PRKCA: variants seen among roughly 807,000 people sequenced by gnomAD.
PRKCA encodes the protein protein kinase C alpha type.
A neutral mutation model predicts 87.0 loss-of-function variants in PRKCA; 27 were observed. That is an observed-to-expected ratio of 0.31 (90% CI 0.23 to 0.43). The LOEUF (loss-of-function observed/expected upper bound fraction) is 0.43, where lower values mean the gene tolerates loss of function less well. PRKCA is among the 20% of genes least tolerant of loss of function. PRKCA has a pLI of 1.00. For missense variants in PRKCA, 518 were observed against 852.3 expected (o/e 0.61, Z 4.88); for synonymous variants, 329 against 311.1 (o/e 1.06, Z -0.61).
chr17:66,727,809 G>A (rs34337960), intron 8 of PRKCA, among the ~76,000 whole-genome samples: 23,685 of 151,974 alleles, frequency 0.16, 2,051 homozygotes, highest in South Asian at 0.26. Flanking sequence ...GGAGGTGCTG[G>A]CCAAAGGTCT....
chr17:66,345,853 C>T (rs987962205), intron 2 of PRKCA, among the ~76,000 whole-genome samples: 4 of 152,114 alleles, frequency 2.6e-5, no homozygotes, highest in Non-Finnish European at 5.9e-5. Flanking sequence ...ATAAAAAATG[C>T]AGTTAGGTGT....
intron 5 of PRKCA, among the ~76,000 whole-genome samples, chr17:66,664,436 A>G (rs1373838315): frequency 6.6e-6 from 1 of 152,154 alleles, no homozygotes; most frequent in African/African-American, 2.4e-5. Flanking sequence ...ATCAAGAACA[A>G]GAGAAATTCA....
Position 66,689,076 on chromosome 17 carries a change from CT to C in PRKCA, c.918+32del. The C allele has an allele frequency of 6.9e-7, 1 of 1,459,600 alleles. No homozygotes were observed. The highest frequency in any genetic ancestry group is 1.3e-5 in the South Asian group (1 of 78,950). The allele number at this position is 1,459,600 out of a possible 1,614,324, so 90.4% of individuals were successfully genotyped here. A position where few individuals can be genotyped will look rare whatever the true frequency, so the allele number is the denominator to read the frequency against. On this transcript the variant is annotated intron_variant, in intron 8 of 16. Coordinates refer to ENST00000413366, the MANE Select transcript of PRKCA (RefSeq NM_002737.3). The surrounding 1 kb of genome is among the most constrained non-coding windows in gnomAD (Gnocchi z 4.1). ...AGGATAACAAAATGCCCGGAAACAC[CT>C]TTCCTTTAGAAAGCCCAACTTCAGG...
intron 3 of PRKCA, among the ~76,000 whole-genome samples, chr17:66,586,350 T>TA (rs11302296): frequency 1.3e-5 from 2 of 152,010 alleles, no homozygotes; most frequent in Non-Finnish European, 2.9e-5. Flanking sequence ...GATTAACTAT[T>TA]AACTGAAAGA....
intron 2 of PRKCA, among the ~76,000 whole-genome samples, chr17:66,348,357 G>A (rs574754397): frequency 6.6e-5 from 10 of 152,216 alleles, no homozygotes; most frequent in East Asian, 1.9e-4. Flanking sequence ...TGCTAGTACC[G>A]CCTGGCACTG....
At chr17:66,564,036 C>G (rs1239289941) in intron 3 of PRKCA, among the ~76,000 whole-genome samples, 1 of 144,322 alleles carries the variant, frequency 6.9e-6, no homozygotes, top group African/African-American at 2.6e-5. Flanking sequence ...CTTTCTTCCT[C>G]TCTTCCTTCC....
At chr17:66,723,215 G>A (rs951419599) in intron 8 of PRKCA, among the ~76,000 whole-genome samples, 1 of 152,260 alleles carries the variant, frequency 6.6e-6, no homozygotes, top group Non-Finnish European at 1.5e-5. Flanking sequence ...CAGGCAGCAT[G>A]CAGTTGCTCA....
chr17:66,648,206 C>A (rs568346351), intron 5 of PRKCA, among the ~76,000 whole-genome samples: 1 of 152,136 alleles, frequency 6.6e-6, no homozygotes, highest in Non-Finnish European at 1.5e-5. Context: ...TAAGGCTCTG[C>A]GTTTGGTTGA....
At chr17:66,748,435 T>C (rs116930945) in intron 13 of PRKCA, among the ~76,000 whole-genome samples, 1 of 152,094 alleles carries the variant, frequency 6.6e-6, no homozygotes, top group African/African-American at 2.4e-5. Flanking sequence ...GGGGAGCATA[T>C]TAAAGATGGG....
chr17:66,681,839 G>A (rs1176495674), intron 5 of PRKCA, among the ~76,000 whole-genome samples: 4 of 152,154 alleles, frequency 2.6e-5, no homozygotes, highest in South Asian at 4.1e-4. Context: ...TCCCTCACTC[G>A]GGTGCCTGCA....
chr17:66,455,782 G>T (rs576471655), intron 2 of PRKCA, among the ~76,000 whole-genome samples: 1 of 152,298 alleles, frequency 6.6e-6, no homozygotes, highest in East Asian at 1.9e-4. Context: ...CATCTGAGAA[G>T]GGAGTGAGAC....
At chr17:66,336,444 C>T (rs7218425) in intron 2 of PRKCA, among the ~76,000 whole-genome samples, 102,849 of 152,020 alleles carry the variant, frequency 0.68, 35,911 homozygotes, top group Middle Eastern at 0.77. Flanking sequence ...ATTCTCCTTC[C>T]AGGGGATGAA....
chr17:66,626,509 C>T, intron 3 of PRKCA, among the ~76,000 whole-genome samples: 1 of 151,266 alleles, frequency 6.6e-6, no homozygotes, highest in Non-Finnish European at 1.5e-5. Flanking sequence ...CTACAGGCAC[C>T]CACCACCAAG....
intron 3 of PRKCA, among the ~76,000 whole-genome samples, chr17:66,610,803 C>G (rs192953577): frequency 3.9e-4 from 59 of 152,262 alleles, no homozygotes; most frequent in Admixed American, 3.5e-3. Context: ...AAGATCTAAG[C>G]TGACCCGACT....
In PRKCA at chr17:66,406,585, GTTTTTTTTT is replaced by G. The variant is rs71160568; in HGVS notation, c.206-89600_206-89592del. 3.1e-4 allele frequency among the ~76,000 whole-genome samples: 22 copies of G among 70,186 alleles called. No individual in the cohort carries two copies. In the East Asian group the frequency reaches 4.5e-3, roughly 14 times the overall value. 46.0% of individuals were successfully genotyped at this position (70,186 alleles called of 152,430 possible). ...TCATGTAGCATTGTAGCTTTTCCAG[GTTTTTTTTT>G]TTTTTTTTTTTTTTTAAATGTCATA... On this transcript the variant is annotated intron_variant, in intron 2 of 16. Coordinates refer to ENST00000413366, the MANE Select transcript of PRKCA (RefSeq NM_002737.3).
chr17:66,353,158 G>A (rs1213038556), intron 2 of PRKCA, among the ~76,000 whole-genome samples: 1 of 152,142 alleles, frequency 6.6e-6, no homozygotes, highest in East Asian at 1.9e-4. Context: ...AAGTCCCCTG[G>A]TTAAAGGGGT....
intron 2 of PRKCA, among the ~76,000 whole-genome samples, chr17:66,373,976 G>A (rs1014906694): frequency 3.3e-5 from 5 of 152,176 alleles, no homozygotes; most frequent in Admixed American, 1.3e-4. Flanking sequence ...GGGATGTGGG[G>A]GCCCTGCTGC....
At chr17:66,751,600 G>C (rs1308943729) in intron 13 of PRKCA, among the ~76,000 whole-genome samples, 2 of 152,168 alleles carry the variant, frequency 1.3e-5, no homozygotes, top group African/African-American at 2.4e-5. Context: ...ATTTTGTTCT[G>C]ATGCATAATT....
At chr17:66,418,909 G>T (rs923562556) in intron 2 of PRKCA, among the ~76,000 whole-genome samples, 1 of 148,714 alleles carries the variant, frequency 6.7e-6, no homozygotes, top group Non-Finnish European at 1.5e-5. Flanking sequence ...CCACCATCAC[G>T]CCCGGCTAAT....
Sources: allele counts gnomAD v4.1 joint callset (sites outside exome capture counted in the v4.1 genomes callset), GRCh38; gene constraint gnomAD v4.1.1; non-coding constraint Gnocchi (gnomAD v3.1); transcripts MANE v1.5; gene names NCBI Gene and HGNC (gene_info 2026-07-23, HGNC 2026-07-21).